Variants in ALS2 observed in about 807,000 individuals in gnomAD.
The protein encoded by ALS2 is alsin Rho guanine nucleotide exchange factor ALS2.
Under a neutral mutation model 203.4 loss-of-function variants are expected in ALS2, and 117 were observed. That is an observed-to-expected ratio of 0.58 (90% confidence interval 0.50 to 0.67). The LOEUF (loss-of-function observed/expected upper bound fraction) is 0.67. ALS2 is among the 30% of genes least tolerant of loss of function. ALS2 has a pLI of 0.00. For missense variants in ALS2, 1,715 were observed against 1,989.4 expected, an observed-to-expected ratio of 0.86 and a Z score of 2.62; for synonymous variants, 718 against 725.9, an observed-to-expected ratio of 0.99 and a Z score of 0.17.
intron 1 of ALS2, among the ~76,000 whole-genome samples, chr2:201,774,778 T>C (rs554334685): frequency 2.4e-4 from 36 of 152,330 alleles, no homozygotes; most frequent in African/African-American, 6.3e-4. Flanking sequence ...CCAGGTATTA[T>C]GCTAGTCTAA....
intron 24 of ALS2, among the ~76,000 whole-genome samples, chr2:201,717,066 C>CT (rs1188249205): frequency 3.3e-5 from 5 of 152,048 alleles, no homozygotes; most frequent in Admixed American, 2.6e-4. Flanking sequence ...TAGATTTTGC[C>CT]TTTTTTTCCT....
chr2:201,718,453 G>T (rs1025171213), intron 23 of ALS2, among the ~76,000 whole-genome samples: 1 of 152,070 alleles, frequency 6.6e-6, no homozygotes, highest in African/African-American at 2.4e-5. Flanking sequence ...TAGAGACGGG[G>T]TTTCACCATG....
chr2:201,715,944 C>A, intron 24 of ALS2, 105 bp from the exon 25 acceptor site: 3 of 1,203,378 alleles, frequency 2.5e-6, no homozygotes, highest in Non-Finnish European at 2.5e-6. Flanking sequence ...TTTTCGTGAC[C>A]AAAACTGCCA....
chr2:201,728,804 TAG>T (rs533042336), intron 14 of ALS2, among the ~76,000 whole-genome samples, 164 bp from the exon 15 acceptor site: 240 of 152,080 alleles, frequency 1.6e-3, no homozygotes, highest in Non-Finnish European at 2.9e-3. Context: ...TTCACAAAAT[TAG>T]AGCTCAAAGG....
intron 13 of ALS2, among the ~76,000 whole-genome samples, chr2:201,732,399 CA>C (rs11288102): frequency 0.25 from 21,235 of 85,142 alleles, 1,546 homozygotes; most frequent in East Asian, 0.36. Flanking sequence ...ACTAAAAATA[CA>C]AAAAAAAAAA....
chr2:201,768,799 A>T, intron 2 of ALS2, 67 bp downstream of exon 2: 2 of 1,390,516 alleles, frequency 1.4e-6, no homozygotes, highest in Non-Finnish European at 2.0e-6. Context: ...AAGAGAAGCT[A>T]CACATATGTG....
At chr2:201,747,462 CTTT>C (rs35304479) in intron 8 of ALS2, among the ~76,000 whole-genome samples, 11 of 133,718 alleles carry the variant, frequency 8.2e-5, no homozygotes, top group Admixed American at 2.2e-4. Context: ...CACTCGGTCG[CTTT>C]TTTTTTTTTT....
At chr2:201,758,923 A>G (rs75672617) in intron 4 of ALS2, among the ~76,000 whole-genome samples, 145 of 152,318 alleles carry the variant, frequency 9.5e-4, no homozygotes, top group East Asian at 3.5e-3. Flanking sequence ...TTTCCATGCA[A>G]ATTAGTCTGT....
chr2:201,769,299 C>CTT (rs1694260041), intron 1 of ALS2, among the ~76,000 whole-genome samples: 1 of 152,128 alleles, frequency 6.6e-6, no homozygotes, highest in Non-Finnish European at 1.5e-5. Flanking sequence ...ATTAAGGGTA[C>CTT]TTTTTAAACG....
At chr2:201,763,325 A>G in intron 3 of ALS2, 1 of 186,162 alleles carries the variant, frequency 5.4e-6, no homozygotes, top group Non-Finnish European at 1.1e-5. Flanking sequence ...CCTAGTGCCC[A>G]AGAAGCTGCT....
chr2:201,778,392 T>G (rs982682594), intron 1 of ALS2: 36 of 152,116 alleles, frequency 2.4e-4, no homozygotes, highest in African/African-American at 8.5e-4. Flanking sequence ...GAAAGAAATA[T>G]ACAATAGCTC....
chr2:201,744,107 G>A, intron 10 of ALS2, 151 bp downstream of exon 10: 1 of 850,478 alleles, frequency 1.2e-6, no homozygotes, highest in Admixed American at 2.4e-5. Flanking sequence ...GAAACAGTTT[G>A]TAAATTGTTG....
chr2:201,732,444 T>G (rs927301617), intron 13 of ALS2, among the ~76,000 whole-genome samples: 1 of 149,930 alleles, frequency 6.7e-6, no homozygotes, highest in Non-Finnish European at 1.5e-5. Context: ...GGTACACACC[T>G]GTAATCTCAG....
chr2:201,707,569 G>A (rs1361563288), intron 28 of ALS2, among the ~76,000 whole-genome samples: 1 of 151,666 alleles, frequency 6.6e-6, no homozygotes, highest in Non-Finnish European at 1.5e-5. Flanking sequence ...AGCTGAACCC[G>A]TAGGTGTGTG....
In ALS2 at chr2:201,723,044, T is replaced by G; in HGVS notation, c.3701A>C (p.Lys1234Thr). Residue 1234 changes from lysine to threonine, a missense_variant and splice_region_variant, in exon 23 of 34, where the codon AAG (lysine) becomes ACG (threonine). Around this residue, in one of 3 missense-constraint regions of ALS2, gnomAD observed 1,227 missense variants for 1,413.5 expected, o/e 0.87. Coordinates refer to ENST00000264276, the MANE Select transcript of ALS2 (RefSeq NM_020919.4). ...EFSDDWTLSGKGTLTMPNGDY... is the reference protein window; with the variant it reads ...EFSDDWTLSGTGTLTMPNGDY... ...AAAAAAAGAAAGCTAGTTTCCAACC[T>G]TTCCACTAAGAGTCCAGTCATCTGA... 1 of 1,606,284 alleles carries G rather than the reference T, an allele frequency of 6.2e-7. No individual in the cohort carries two copies. The highest frequency in any genetic ancestry group is 8.5e-7 in the Non-Finnish European group (1 of 1,175,544).
At position 201,770,038 on chromosome 2, in the gene ALS2, TATTC is replaced by T. The variant is rs552346127; in HGVS notation, c.-60-1097_-60-1094del. Reference sequence around the variant, plus strand: ...ATATCTGAATAAATTTAATAAATGATATTCATTTAATAAATACAATTAAGTGCTA... The same window carrying T: ...ATATCTGAATAAATTTAATAAATGATATTTAATAAATACAATTAAGTGCTA... On this transcript the variant is annotated intron_variant, in intron 1 of 33. Transcript: ENST00000264276. Among the ~76,000 whole-genome samples the T allele has an allele frequency of 9.8e-5, 15 of 152,366 alleles. No individual in the cohort carries two copies. The South Asian group carries it at 2.7e-3, about 27-fold the overall frequency.
At chr2:201,774,299 GT>G (rs956707756) in intron 1 of ALS2, among the ~76,000 whole-genome samples, 4 of 152,122 alleles carry the variant, frequency 2.6e-5, no homozygotes, top group African/African-American at 9.7e-5. Context: ...TGGGGGGATT[GT>G]TTTTTTCATA....
chr2:201,704,143 A>G lies in ALS2; in HGVS notation c.4914T>C (p.Gly1638=). 1 of 1,610,896 alleles carries G rather than the reference A, an allele frequency of 6.2e-7. No homozygotes were observed. The highest frequency in any genetic ancestry group is 8.5e-7 in the Non-Finnish European group (1 of 1,177,082). ...MDPYLQHGEQ[G]IMFTTLKACY... ...TCACCTTCAAGGTGGTGAACATTAT[A>G]CCCTGTTCCCCATGCTGAAGATAGG... Residue 1638 remains glycine (G), a synonymous_variant, in exon 33 of 34, where the codon GGT becomes GGC. Coordinates refer to ENST00000264276, the MANE Select transcript of ALS2 (RefSeq NM_020919.4).
Position 201,723,445 on chromosome 2 carries a change from C to A in ALS2, c.3513-4G>T, listed in dbSNP as rs1375377839. 2 of 1,607,396 alleles carry A rather than the reference C, an allele frequency of 1.2e-6. No individual in the cohort carries two copies. The highest frequency in any genetic ancestry group is 1.3e-5 in the African/African-American group (1 of 74,756). ...CATTCCCATATACTTTTCCCCCCTGCACAGAAATAAAAAGAAAAGAAAAAG... is the reference window on the plus strand; with the variant it reads ...CATTCCCATATACTTTTCCCCCCTGAACAGAAATAAAAAGAAAAGAAAAAG... On this transcript the variant is annotated splice_polypyrimidine_tract_variant and splice_region_variant and intron_variant, in intron 21 of 33. Transcript: ENST00000264276.
Sources: allele counts gnomAD v4.1 joint callset (sites outside exome capture counted in the v4.1 genomes callset), GRCh38; gene constraint gnomAD v4.1.1; regional missense constraint gnomAD v4.1.1; transcripts MANE v1.5; gene names NCBI Gene and HGNC (gene_info 2026-07-23, HGNC 2026-07-21).